RAD54L2: variants seen among roughly 807,000 people sequenced by gnomAD.
RAD54L2 encodes RAD54 like 2, also known as helicase ARIP4.
In RAD54L2, 27 loss-of-function variants were observed where a neutral mutation model predicts 138.4. That is an observed-to-expected ratio of 0.20 (90% CI 0.14 to 0.27). The LOEUF (loss-of-function observed/expected upper bound fraction) is 0.27. Among genes scored for constraint, RAD54L2 ranks in the 10% least tolerant of loss-of-function variants. The pLI is 1.00. For synonymous variants in RAD54L2, 644 were observed against 723.2 expected, an observed-to-expected ratio of 0.89 and a Z score of 1.76; for missense variants, 1,396 against 1,890.2, an observed-to-expected ratio of 0.74 and a Z score of 4.85.
chr3:51,657,493 C>A, intron 20 of RAD54L2, 87 bp from the exon 21 acceptor site: 1 of 810,878 alleles, frequency 1.2e-6, no homozygotes, highest in Non-Finnish European at 2.1e-6. Context: ...CAATGAAGAA[C>A]TGGGGTAGAT....
rs763794948 is a variant in RAD54L2, at chr3:51,645,789, C to G, written c.2829+26C>G. ...GTAAGAACTTGGTATGCATGCAATC[C>G]CCAGAGTGGCAGTCTCTCTGTCAAA... On this transcript the variant is annotated intron_variant, in intron 18 of 22. Coordinates refer to ENST00000684192, the MANE Select transcript of RAD54L2 (RefSeq NM_015106.4). The surrounding 1 kb of genome is among the most constrained non-coding windows in gnomAD (Gnocchi z 6.1). 5 of 1,580,564 alleles carry G rather than the reference C, an allele frequency of 3.2e-6. No homozygotes were observed. The South Asian group carries it at 4.7e-5, about 15-fold the overall frequency.
intron 9 of RAD54L2, among the ~76,000 whole-genome samples, chr3:51,634,338 A>G (rs912147313): frequency 6.7e-6 from 1 of 149,534 alleles, no homozygotes; most frequent in Admixed American, 6.7e-5. Flanking sequence ...ACACGAAACA[A>G]TGGATCTTTC....
chr3:51,611,154 A>G (rs1219955634), intron 3 of RAD54L2, among the ~76,000 whole-genome samples: 1 of 151,834 alleles, frequency 6.6e-6, no homozygotes, highest in Admixed American at 6.6e-5. Flanking sequence ...TAAAATTGTA[A>G]GAGGAGCTCT....
chr3:51,642,712 C>A (rs145723270), intron 15 of RAD54L2, among the ~76,000 whole-genome samples: 1 of 152,140 alleles, frequency 6.6e-6, no homozygotes, highest in East Asian at 1.9e-4. Context: ...GGAGAAATTG[C>A]CCTCATTGAG....
chr3:51,551,549 C>T (rs1698837792), intron 2 of RAD54L2, among the ~76,000 whole-genome samples: 1 of 151,338 alleles, frequency 6.6e-6, no homozygotes, highest in Non-Finnish European at 1.5e-5. Context: ...GATTCTCGTT[C>T]CTCAGCCTTC....
intron 1 of RAD54L2, among the ~76,000 whole-genome samples, chr3:51,540,036 G>A (rs943069754): frequency 2.0e-5 from 3 of 152,114 alleles, no homozygotes; most frequent in Admixed American, 6.6e-5. Flanking sequence ...CGTTGTTTTT[G>A]AATTGTGACT....
chr3:51,662,088 C>T lies in RAD54L2; in HGVS notation c.3410-338C>T, dbSNP rs1265289748. On this transcript the variant is annotated intron_variant, in intron 22 of 22. Coordinates refer to ENST00000684192, the MANE Select transcript of RAD54L2 (RefSeq NM_015106.4). The surrounding 1 kb of genome is among the most constrained non-coding windows in gnomAD (Gnocchi z 4.6). ...TTTCCTCTTTCCCCCACATTGATCA[C>T]TGACTGTCTCTTACTGCCAGAAAAA... is the stretch of plus-strand genomic sequence containing the variant. Among the ~76,000 whole-genome samples, 1 of 152,100 alleles carries T rather than the reference C, an allele frequency of 6.6e-6. No individual in the cohort carries two copies. The highest frequency in any genetic ancestry group is 1.5e-5 in the Non-Finnish European group (1 of 68,024).
At chr3:51,580,100 C>A (rs1216828178) in intron 2 of RAD54L2, among the ~76,000 whole-genome samples, 1 of 152,102 alleles carries the variant, frequency 6.6e-6, no homozygotes, top group Non-Finnish European at 1.5e-5. Flanking sequence ...AACAACACCC[C>A]CACTTTAGAC....
intron 3 of RAD54L2, among the ~76,000 whole-genome samples, chr3:51,597,155 G>A (rs1266682499): frequency 1.0e-5 from 1 of 97,544 alleles, no homozygotes; most frequent in African/African-American, 4.2e-5. Context: ...ACAAGAGCAA[G>A]ACTTCATTTC....
chr3:51,548,821 C>CTTTTTTTTTTTTT (rs1168106948), intron 2 of RAD54L2, among the ~76,000 whole-genome samples: 1 of 101,292 alleles, frequency 9.9e-6, no homozygotes, highest in Non-Finnish European at 1.9e-5. Flanking sequence ...AGTAACTCTG[C>CTTTTTTTTTTTTT]TTTTTTTTTT....
intron 7 of RAD54L2, among the ~76,000 whole-genome samples, chr3:51,632,647 G>A (rs1343141210): frequency 4.0e-5 from 6 of 148,192 alleles, no homozygotes; most frequent in Non-Finnish European, 7.5e-5. Flanking sequence ...TAATCCTGGC[G>A]CTTTGGGAGG....
chr3:51,598,109 AT>A (rs1432963994), intron 3 of RAD54L2, among the ~76,000 whole-genome samples: 2 of 145,290 alleles, frequency 1.4e-5, no homozygotes, highest in African/African-American at 5.3e-5. Flanking sequence ...ATATATATAT[AT>A]GTGTGTGTGT....
intron 16 of RAD54L2, 26 bp downstream of exon 16, chr3:51,644,000 C>CA (rs1701207110): frequency 6.4e-7 from 1 of 1,553,426 alleles, no homozygotes; most frequent in East Asian, 2.3e-5. Context: ...GAGGGGAGGT[C>CA]AAAGGAATCT....
rs1645926710 is a variant in RAD54L2 at position 51,629,450 on chromosome 3, C to G, written c.458C>G (p.Thr153Ser). ...QRKDYAAPIP[T>S]VPLEFLPEEI... is the part of the protein sequence containing the mutation. ...AAAGATTATGCAGCCCCTATTCCTA[C>G]TGTTCCGCTGGAGTTCCTCCCTGGT... The change falls in exon 5 of 23, where the codon ACT becomes AGT. Residue 153 changes from threonine (T) to serine (S), a missense_variant. Physicochemically the swap from Thr to Ser is moderately conservative, Grantham distance 58. Transcript: ENST00000684192. The G allele has an allele frequency of 6.2e-7, 1 of 1,612,628 alleles. No homozygotes were observed. The highest frequency in any genetic ancestry group is 2.2e-5 in the East Asian group (1 of 44,838).
chr3:51,622,765 A>G (rs1700594478), intron 3 of RAD54L2, among the ~76,000 whole-genome samples: 1 of 152,190 alleles, frequency 6.6e-6, no homozygotes, highest in Non-Finnish European at 1.5e-5. Flanking sequence ...GCATCCAGAG[A>G]AGGATCTTGG....
intron 2 of RAD54L2, among the ~76,000 whole-genome samples, chr3:51,546,719 T>C (rs555571025): frequency 6.6e-6 from 1 of 151,746 alleles, no homozygotes; most frequent in East Asian, 2.0e-4. Flanking sequence ...TTGTGAGCAG[T>C]GTTGAGAAGT....
rs1701834482 is a variant in RAD54L2 at position 51,663,284 on chromosome 3, A to G, written c.4268A>G (p.His1423Arg). Residue 1423 changes from histidine to arginine, a missense_variant, in exon 23 of 23, where the codon CAT becomes CGT. Transcript: ENST00000684192. ...ATCTATCCAGGCTACATGTCCCCAC[A>G]TGCAGGCTACCCAGCTGGTGGCCTC... ...MSIYPGYMSP[H>R]AGYPAGGLLR... 1 of 1,613,864 alleles carries G rather than the reference A, an allele frequency of 6.2e-7. No individual in the cohort carries two copies. Among genetic ancestry groups the G allele is most frequent in the Non-Finnish European group, 8.5e-7 (1 of 1,179,902 alleles).
intron 3 of RAD54L2, among the ~76,000 whole-genome samples, chr3:51,603,797 T>TA (rs1223025147): frequency 6.6e-6 from 1 of 152,082 alleles, no homozygotes; most frequent in Non-Finnish European, 1.5e-5. Context: ...GTGATGGAAT[T>TA]ACAGATGTGA....
chr3:51,659,521 G>A (rs1440863034), intron 21 of RAD54L2, among the ~76,000 whole-genome samples: 2 of 152,210 alleles, frequency 1.3e-5, no homozygotes, highest in African/African-American at 4.8e-5. Flanking sequence ...ATAGATTAGT[G>A]CCTTGTGGGA....
Sources: gnomAD v4.1 joint callset for allele counts (sites outside exome capture counted in the v4.1 genomes callset) on GRCh38, gnomAD v4.1.1 for gene constraint, Gnocchi (gnomAD v3.1) non-coding constraint, MANE v1.5 for transcripts, NCBI Gene and HGNC (gene_info 2026-07-23, HGNC 2026-07-21) for gene names.